The following KDM4C variants were observed in gnomAD, a reference collection of about 807,000 sequenced individuals.
KDM4C encodes lysine demethylase 4C.
Under a neutral mutation model 129.3 loss-of-function variants are expected in KDM4C, and 81 were observed. That is an observed-to-expected ratio of 0.63 (90% CI 0.52 to 0.75). KDM4C has a LOEUF of 0.75. KDM4C is among the 30% of genes least tolerant of loss of function. The pLI is 0.00. For missense variants in KDM4C, 1,457 were observed against 1,304.0 expected (o/e 1.12, Z -1.81); for synonymous variants, 573 against 456.1 (o/e 1.26, Z -3.26).
chr9:6,757,333 TG>T (rs1395788024), upstream of KDM4C, among the ~76,000 whole-genome samples: 1 of 142,576 alleles, frequency 7.0e-6, no homozygotes, highest in Non-Finnish European at 1.5e-5. Context: ...AGAGCACACT[TG>T]GGCGGGTCGG....
intron 5 of KDM4C, among the ~76,000 whole-genome samples, chr9:6,878,687 C>G (rs1390702969): frequency 1.3e-5 from 2 of 152,106 alleles, no homozygotes; most frequent in Non-Finnish European, 2.9e-5. Flanking sequence ...TAAATATCTC[C>G]ATATCCTACC....
At chr9:6,944,660 T>TTTTTTTTTTG (rs1826582485) in intron 8 of KDM4C, among the ~76,000 whole-genome samples, 1 of 143,790 alleles carries the variant, frequency 7.0e-6, no homozygotes, top group Non-Finnish European at 1.5e-5. Flanking sequence ...AGGTTTTTTT[T>TTTTTTTTTTG]TTTTTTTTTT....
rs1448558838 is a variant in KDM4C at position 6,954,958 on chromosome 9, C to T, written c.922-25967C>T. 2.0e-5 allele frequency among the ~76,000 whole-genome samples: 3 copies of T among 152,214 alleles called. No homozygotes were observed. In the East Asian group the frequency reaches 5.8e-4, roughly 29 times the overall value. On this transcript the variant is annotated intron_variant, in intron 8 of 21. Coordinates refer to ENST00000381309, the MANE Select transcript of KDM4C (RefSeq NM_015061.6). ...TATTTTGCTTCAGTCTCTAGTACTG[C>T]AGGAGGCATCAGGGACTTTCTGTTG...
chr9:6,747,514 C>T (rs973259528), intron 1 of KDM4C, among the ~76,000 whole-genome samples: 3 of 141,624 alleles, frequency 2.1e-5, no homozygotes, highest in African/African-American at 8.0e-5. Context: ...CGCCACTGCA[C>T]TCCAACCTGG....
At chr9:7,141,463 G>A (rs1272927445) in intron 19 of KDM4C, among the ~76,000 whole-genome samples, 1 of 152,154 alleles carries the variant, frequency 6.6e-6, no homozygotes, top group Admixed American at 6.5e-5. Context: ...GAGAAATGAT[G>A]GTAATTTGGA....
chr9:7,169,720 C>G, intron 20 of KDM4C, 78 bp from the exon 21 acceptor site: 1 of 1,117,276 alleles, frequency 9.0e-7, no homozygotes, highest in East Asian at 2.5e-5. Flanking sequence ...TTCATCTTTT[C>G]ATGTAGTTAA....
chr9:6,731,463 A>C (rs1362818678), intron 1 of KDM4C, among the ~76,000 whole-genome samples: 1 of 151,354 alleles, frequency 6.6e-6, no homozygotes, highest in Admixed American at 6.6e-5. Flanking sequence ...AGTAGCTGGG[A>C]TTACAGGCAT....
chr9:6,729,983 G>A (rs1407919731), intron 1 of KDM4C, among the ~76,000 whole-genome samples: 1 of 133,586 alleles, frequency 7.5e-6, no homozygotes, highest in Admixed American at 8.0e-5. Context: ...GGTGGTGCAC[G>A]CCTGTAGTCC....
chr9:7,126,362 A>C (rs184878182), intron 18 of KDM4C, among the ~76,000 whole-genome samples: 1 of 152,222 alleles, frequency 6.6e-6, no homozygotes, highest in Non-Finnish European at 1.5e-5. Flanking sequence ...CATTTGTGTT[A>C]GTTTTTCTAG....
intron 11 of KDM4C, among the ~76,000 whole-genome samples, chr9:6,987,329 C>A (rs1817903313): frequency 6.6e-6 from 1 of 152,204 alleles, no homozygotes; most frequent in Non-Finnish European, 1.5e-5. Context: ...TATTATTTAG[C>A]TTCCCATTGT....
chr9:7,099,935 A>G (rs867028702), intron 17 of KDM4C, among the ~76,000 whole-genome samples: 5 of 151,776 alleles, frequency 3.3e-5, no homozygotes, highest in Middle Eastern at 3.4e-3. Context: ...ATTTTTTAAT[A>G]TATATTTTTA....
chr9:6,752,360 A>AAAAT (rs1563928527), intron 1 of KDM4C, among the ~76,000 whole-genome samples: 1 of 149,128 alleles, frequency 6.7e-6, no homozygotes, highest in African/African-American at 2.5e-5. Context: ...AAAAAAAAAA[A>AAAAT]ATTAAGGAGG....
At chr9:6,964,652 G>A (rs1830591149) in intron 8 of KDM4C, among the ~76,000 whole-genome samples, 1 of 151,852 alleles carries the variant, frequency 6.6e-6, no homozygotes, top group African/African-American at 2.4e-5. Flanking sequence ...TGTGGTGGTG[G>A]GCGCCTGTAG....
chr9:6,849,343 A>G (rs1383590523), intron 4 of KDM4C, among the ~76,000 whole-genome samples, 164 bp from the exon 5 acceptor site: 1 of 152,232 alleles, frequency 6.6e-6, no homozygotes, highest in Admixed American at 6.5e-5. Context: ...AATAATGGAC[A>G]TATGTATGTG....
intron 1 of KDM4C, chr9:6,723,569 G>A (rs1272651915): frequency 6.7e-6 from 1 of 148,764 alleles, no homozygotes; most frequent in Non-Finnish European, 1.5e-5. Context: ...CACTGCTGGT[G>A]TCCTCTGCAC....
At chr9:6,971,838 T>C (rs892417293) in intron 8 of KDM4C, among the ~76,000 whole-genome samples, 2 of 152,222 alleles carry the variant, frequency 1.3e-5, no homozygotes, top group South Asian at 4.1e-4. Context: ...TATTGAATAA[T>C]TCAAATATGG....
At chr9:7,140,704 C>T (rs999800024) in intron 19 of KDM4C, among the ~76,000 whole-genome samples, 6 of 152,282 alleles carry the variant, frequency 3.9e-5, no homozygotes, top group African/African-American at 1.4e-4. Context: ...CTACTACATG[C>T]CACCCATCAT....
rs569311729 is a variant in KDM4C at position 6,861,672 on chromosome 9, T to A, written c.629+11972T>A. ...CCCTCCTCTCTTCCTCCCAGTGACT[T>A]ATTATTTGTGTGGGCTTCATAGAGG... On this transcript the variant is annotated intron_variant, in intron 5 of 21. Transcript: ENST00000381309. Among the ~76,000 whole-genome samples, 342 of 152,308 alleles carry A rather than the reference T, an allele frequency of 2.2e-3. 6 individuals are homozygous for A. Among genetic ancestry groups the A allele is most frequent in the Non-Finnish European group, 4.3e-4 (29 of 68,026 alleles).
intron 18 of KDM4C, among the ~76,000 whole-genome samples, chr9:7,110,157 G>A (rs947784796): frequency 1.1e-4 from 16 of 152,120 alleles, no homozygotes; most frequent in Non-Finnish European, 2.1e-4. Context: ...TTCGCAGTGG[G>A]AAATGCCAAA....
Sources: allele counts gnomAD v4.1 joint callset (sites outside exome capture counted in the v4.1 genomes callset), GRCh38; gene constraint gnomAD v4.1.1; transcripts MANE v1.5; gene names NCBI Gene and HGNC (gene_info 2026-07-23, HGNC 2026-07-21).